The following IPO11 variants were observed in gnomAD, a reference collection of about 807,000 sequenced individuals.
IPO11 encodes the protein importin-11.
In IPO11, 66 loss-of-function variants were observed where a neutral mutation model predicts 143.2. The ratio of observed to expected loss-of-function variants is 0.46; its 90% CI spans 0.38 to 0.57. The LOEUF is 0.57. Among genes scored for constraint, IPO11 ranks in the 20% least tolerant of loss-of-function variants. The pLI is 0.00. For synonymous variants in IPO11, 385 were observed against 377.8 expected, an observed-to-expected ratio of 1.02 and a Z score of -0.22; for missense variants, 1,026 against 1,141.0, an observed-to-expected ratio of 0.90 and a Z score of 1.45.
chr5:62,434,703 A>G (rs1017786130), intron 1 of IPO11, among the ~76,000 whole-genome samples: 1 of 152,110 alleles, frequency 6.6e-6, no homozygotes. Flanking sequence ...ACATGTTGCA[A>G]TGATAACATT....
chr5:62,476,868 C>A, intron 9 of IPO11, 115 bp downstream of exon 9: 1 of 1,141,044 alleles, frequency 8.8e-7, no homozygotes, highest in Non-Finnish European at 1.2e-6. Context: ...AACCTATGTT[C>A]TGACTCCTTA....
At chr5:62,615,781 CTT>C (rs1158645593) in intron 29 of IPO11, among the ~76,000 whole-genome samples, 1 of 152,180 alleles carries the variant, frequency 6.6e-6, no homozygotes, top group Non-Finnish European at 1.5e-5. Flanking sequence ...CATTTGTTTA[CTT>C]TCCTTGGATG....
chr5:62,567,908 CATTT>C (rs775386735), intron 27 of IPO11, among the ~76,000 whole-genome samples: 18 of 151,110 alleles, frequency 1.2e-4, no homozygotes, highest in Non-Finnish European at 2.1e-4. Context: ...AAGCCTTATT[CATTT>C]GTTTTCAATT....
intron 10 of IPO11, 179 bp downstream of exon 10, chr5:62,483,472 CAT>C (rs1335147575): frequency 6.2e-6 from 3 of 485,376 alleles, no homozygotes; most frequent in Non-Finnish European, 1.1e-5. Context: ...TTAAAAACAA[CAT>C]AGTGCATTTA....
At chr5:62,460,782 C>T (rs1745330308) in intron 5 of IPO11, among the ~76,000 whole-genome samples, 1 of 152,120 alleles carries the variant, frequency 6.6e-6, no homozygotes, top group Non-Finnish European at 1.5e-5. Context: ...TGCATATTGT[C>T]TCACTGAATA....
intron 1 of IPO11, among the ~76,000 whole-genome samples, chr5:62,435,353 C>T (rs548473130): frequency 1.3e-5 from 2 of 150,558 alleles, no homozygotes; most frequent in Non-Finnish European, 1.5e-5. Flanking sequence ...GTAATCCCAG[C>T]ACTTGGGGAG....
chr5:62,459,045 T>C (rs888160600), intron 5 of IPO11, among the ~76,000 whole-genome samples: 5 of 152,138 alleles, frequency 3.3e-5, no homozygotes, highest in African/African-American at 1.2e-4. Context: ...ATGCCTGAGA[T>C]AGAGCTGTGG....
chr5:62,504,616 A>T, intron 16 of IPO11, 51 bp from the exon 17 acceptor site: 1 of 1,083,222 alleles, frequency 9.2e-7, no homozygotes. Flanking sequence ...GATATTAATG[A>T]TGTTTAGTCA....
chr5:62,590,823 A>G (rs1018247718), intron 27 of IPO11, among the ~76,000 whole-genome samples: 6 of 152,150 alleles, frequency 3.9e-5, no homozygotes, highest in African/African-American at 1.2e-4. Context: ...CCTAATGCCT[A>G]ATGATTTTGA....
intron 2 of IPO11, among the ~76,000 whole-genome samples, chr5:62,442,471 C>T (rs751758782): frequency 1.1e-4 from 17 of 152,142 alleles, no homozygotes; most frequent in Non-Finnish European, 1.8e-4. Context: ...TACAACTGAG[C>T]AGGTGTACTT....
At chr5:62,550,573 A>C in intron 25 of IPO11, 111 bp downstream of exon 25, 1 of 681,028 alleles carries the variant, frequency 1.5e-6, no homozygotes. Flanking sequence ...ATCATATTAA[A>C]TTATGTTAAA....
At chr5:62,579,910 G>A (rs1561371446) in intron 27 of IPO11, 3 of 1,551,164 alleles carry the variant, frequency 1.9e-6, no homozygotes. Context: ...TCTAGTTTCA[G>A]TTCAGTACTT....
chr5:62,527,175 T>C (rs1352152033), intron 21 of IPO11, among the ~76,000 whole-genome samples: 3 of 152,242 alleles, frequency 2.0e-5, no homozygotes, highest in South Asian at 4.1e-4. Flanking sequence ...TTAAATGGCA[T>C]GTATGTGGTT....
intron 9 of IPO11, among the ~76,000 whole-genome samples, chr5:62,482,381 G>C (rs1406220020): frequency 6.6e-6 from 1 of 152,016 alleles, no homozygotes; most frequent in Non-Finnish European, 1.5e-5. Context: ...GTAATGTAAG[G>C]GTGTTGATTT....
chr5:62,453,976 CA>C (rs555724657), intron 5 of IPO11, among the ~76,000 whole-genome samples: 6 of 146,062 alleles, frequency 4.1e-5, no homozygotes, highest in Admixed American at 6.8e-5. Context: ...ACTAAAAATA[CA>C]AAAAAAAAAT....
intron 20 of IPO11, among the ~76,000 whole-genome samples, chr5:62,517,749 T>C (rs907111683): frequency 2.0e-5 from 3 of 152,174 alleles, no homozygotes; most frequent in Non-Finnish European, 2.9e-5. Flanking sequence ...GTGAGAGACA[T>C]GTAACTAAAC....
intron 20 of IPO11, among the ~76,000 whole-genome samples, chr5:62,516,698 C>G (rs906783369): frequency 9.9e-5 from 15 of 151,822 alleles, no homozygotes; most frequent in Non-Finnish European, 2.1e-4. Flanking sequence ...TCCCTGCTTT[C>G]TTTTTTTTAC....
intron 26 of IPO11, among the ~76,000 whole-genome samples, chr5:62,556,467 G>A (rs933895758): frequency 1.3e-5 from 2 of 152,190 alleles, no homozygotes; most frequent in African/African-American, 4.8e-5. Flanking sequence ...GCTGGGTGTG[G>A]TGGCACATGC....
chr5:62,576,617 T>C (rs1305098380), intron 27 of IPO11, among the ~76,000 whole-genome samples: 2 of 152,200 alleles, frequency 1.3e-5, no homozygotes, highest in African/African-American at 4.8e-5. Flanking sequence ...ATGGCAAGAC[T>C]CCGTCTTTAC....
Sources: allele counts gnomAD v4.1 joint callset (sites outside exome capture counted in the v4.1 genomes callset), GRCh38; gene constraint gnomAD v4.1.1; transcripts MANE v1.5; gene names NCBI Gene and HGNC (gene_info 2026-07-23, HGNC 2026-07-21).